The following NDUFAF7 variants were observed in gnomAD, a reference collection of about 807,000 sequenced individuals.
NDUFAF7 encodes the protein NADH:ubiquinone oxidoreductase complex assembly factor 7.
Under a neutral mutation model 47.2 loss-of-function variants are expected in NDUFAF7, and 48 were observed. The ratio of observed to expected loss-of-function variants is 1.02; its 90% CI spans 0.81 to 1.29. NDUFAF7 has a LOEUF of 1.29. Ranked by LOEUF, NDUFAF7 falls within the 50% of genes most tolerant of loss-of-function variation. The pLI, the probability that NDUFAF7 is intolerant of heterozygous loss-of-function variation, is 0.00. For missense variants in NDUFAF7, 635 were observed against 537.6 expected, an observed-to-expected ratio of 1.18 and a Z score of -1.79; for synonymous variants, 217 against 190.0, an observed-to-expected ratio of 1.14 and a Z score of -1.17.
rs932871833 is a variant in NDUFAF7, at chr2:37,246,048, C to T, written c.793-4C>T. 1 of 1,613,618 alleles carries T rather than the reference C, an allele frequency of 6.2e-7. No homozygotes were observed. Among genetic ancestry groups the T allele is most frequent in the Non-Finnish European group, 8.5e-7 (1 of 1,179,694 alleles). Reference sequence around the variant, plus strand: ...TTTGACTCTTGCAATGATCCCTTTACTAGCATGACGAAACAAGGGATCATG... The same window carrying T: ...TTTGACTCTTGCAATGATCCCTTTATTAGCATGACGAAACAAGGGATCATG... On this transcript the variant is annotated splice_polypyrimidine_tract_variant and splice_region_variant and intron_variant, in intron 7 of 9. Transcript: ENST00000002125.
At chr2:37,232,012 G>A in intron 1 of NDUFAF7, 94 bp from the exon 2 acceptor site, 1 of 1,607,534 alleles carries the variant, frequency 6.2e-7, no homozygotes, top group Middle Eastern at 1.9e-4. Context: ...GCGAGGTTAA[G>A]GGTTCACGAA....
At chr2:37,254,348 GT>G (rs1667764759), downstream of NDUFAF7, 1 of 1,338,712 alleles carries the variant, frequency 7.5e-7, no homozygotes, top group African/African-American at 1.4e-5. Flanking sequence ...CCCCAAACTT[GT>G]GACTGCCTAG....
At chr2:37,251,008 C>G (rs1228696840), downstream of NDUFAF7, 1 of 152,494 alleles carries the variant, frequency 6.6e-6, no homozygotes, top group African/African-American at 2.4e-5. Flanking sequence ...AATTTCATGG[C>G]TTGTAAAGTT....
downstream of NDUFAF7, among the ~76,000 whole-genome samples, chr2:37,256,101 G>A (rs1478539024): frequency 6.6e-6 from 1 of 152,142 alleles, no homozygotes; most frequent in East Asian, 1.9e-4. Context: ...GAACTTTATA[G>A]ATGAGCCACA....
At chr2:37,236,015 T>G in intron 2 of NDUFAF7, 81 bp from the exon 3 acceptor site, 1 of 1,145,744 alleles carries the variant, frequency 8.7e-7, no homozygotes, top group Non-Finnish European at 1.3e-6. Context: ...CACTTTTACA[T>G]TATTTAAGAT....
In NDUFAF7 at chr2:37,246,033, GCAATGATCCCTTTA is replaced by G. The variant is rs1377640322; in HGVS notation, c.793-17_793-4del. ...TTTTGAATGATGCATTTTGACTCTT[GCAATGATCCCTTTA>G]CTAGCATGACGAAACAAGGGATCAT... On this transcript the variant is annotated splice_polypyrimidine_tract_variant and splice_region_variant and intron_variant, in intron 7 of 9. Coordinates refer to ENST00000002125, the MANE Select transcript of NDUFAF7 (RefSeq NM_144736.5). 1 of 1,613,058 alleles carries G rather than the reference GCAATGATCCCTTTA, an allele frequency of 6.2e-7. No homozygotes were observed. Among genetic ancestry groups the G allele is most frequent in the Non-Finnish European group, 8.5e-7 (1 of 1,179,412 alleles).
intron 2 of NDUFAF7, among the ~76,000 whole-genome samples, chr2:37,234,180 T>G (rs1665499714): frequency 6.6e-6 from 1 of 152,134 alleles, no homozygotes; most frequent in Non-Finnish European, 1.5e-5. Flanking sequence ...ACCTCCACCT[T>G]CAAGGTTCAA....
intron 4 of NDUFAF7, among the ~76,000 whole-genome samples, chr2:37,241,034 T>G (rs1342478419): frequency 1.3e-5 from 2 of 152,198 alleles, no homozygotes; most frequent in African/African-American, 2.4e-5. Context: ...TTTTTAGCCT[T>G]AAAAGATTGG....
At chr2:37,257,671 G>GAAA (rs1164110574), downstream of NDUFAF7, among the ~76,000 whole-genome samples, 4 of 28,540 alleles carry the variant, frequency 1.4e-4, no homozygotes, top group Non-Finnish European at 2.9e-4. Context: ...TGTCTCAAAA[G>GAAA]AAAAAAAAAA....
chr2:37,259,719 A>C, the NDUFAF7 span: 1 of 1,432,578 alleles, frequency 7.0e-7, no homozygotes, highest in South Asian at 1.2e-5. Flanking sequence ...ATGTCTGGAA[A>C]ATCACAAGTA....
the NDUFAF7 span, among the ~76,000 whole-genome samples, chr2:37,264,678 T>C: frequency 4.6e-5 from 7 of 152,128 alleles, no homozygotes; most frequent in African/African-American, 1.7e-4. Context: ...GCAAAGCCTT[T>C]TGAGACAGAA....
At chr2:37,270,421 G>C in the NDUFAF7 span, among the ~76,000 whole-genome samples, 5 of 147,708 alleles carry the variant, frequency 3.4e-5, no homozygotes, top group Non-Finnish European at 5.9e-5. Flanking sequence ...CTGAAGAAAA[G>C]AATATGTATG....
chr2:37,243,201 A>T (rs1425956514), intron 6 of NDUFAF7, among the ~76,000 whole-genome samples: 1 of 152,078 alleles, frequency 6.6e-6, no homozygotes, highest in East Asian at 1.9e-4. Flanking sequence ...CTGTAATCTC[A>T]GCACTTTGGG....
chr2:37,261,502 C>A, the NDUFAF7 span, among the ~76,000 whole-genome samples: 3 of 143,236 alleles, frequency 2.1e-5, no homozygotes, highest in Non-Finnish European at 4.6e-5. Context: ...AAAAAAAGGC[C>A]GGGCGCGGTG....
At chr2:37,270,368 A>AC in the NDUFAF7 span, among the ~76,000 whole-genome samples, 12 of 150,866 alleles carry the variant, frequency 8.0e-5, no homozygotes, top group Admixed American at 5.3e-4. Flanking sequence ...AAAAAAAAAA[A>AC]CTCAAAAGTT....
At chr2:37,258,583 T>C in the NDUFAF7 span, among the ~76,000 whole-genome samples, 1 of 152,206 alleles carries the variant, frequency 6.6e-6, no homozygotes, top group African/African-American at 2.4e-5. Flanking sequence ...AGTAGGAGTG[T>C]GCATCTTTTG....
chr2:37,252,606 C>T (rs927845310), downstream of NDUFAF7: 1 of 151,962 alleles, frequency 6.6e-6, no homozygotes, highest in Non-Finnish European at 1.5e-5. Context: ...GGTAAAACAG[C>T]CCAGTGCGCT....
the NDUFAF7 span, among the ~76,000 whole-genome samples, chr2:37,265,563 T>C: frequency 6.6e-6 from 1 of 152,170 alleles, no homozygotes; most frequent in Non-Finnish European, 1.5e-5. Context: ...TGCATATGGT[T>C]TGCAGACAGA....
chr2:37,269,340 C>T, the NDUFAF7 span: 14 of 399,278 alleles, frequency 3.5e-5, no homozygotes, highest in South Asian at 8.5e-5. Flanking sequence ...CATCTCCCCC[C>T]CTGCCTCCGA....
Sources: allele counts gnomAD v4.1 joint callset (sites outside exome capture counted in the v4.1 genomes callset), GRCh38; gene constraint gnomAD v4.1.1; transcripts MANE v1.5; gene names NCBI Gene and HGNC (gene_info 2026-07-23, HGNC 2026-07-21).